MILR1: variants seen among roughly 807,000 people sequenced by gnomAD.
The protein encoded by MILR1 is allergin-1.
Under a neutral mutation model 18.5 loss-of-function variants are expected in MILR1, and 31 were observed. The ratio of observed to expected loss-of-function variants is 1.68; its 90% CI spans 1.26 to 2.26. The LOEUF is 2.26. MILR1 is among the 30% of genes most tolerant of loss of function. The pLI is 0.00. For missense variants in MILR1, 257 were observed against 157.4 expected (o/e 1.63, Z -3.38); for synonymous variants, 85 against 56.2 (o/e 1.51, Z -2.30).
the MILR1 span, among the ~76,000 whole-genome samples, chr17:64,476,298 ATTTT>A: frequency 9.2e-5 from 14 of 152,090 alleles, no homozygotes; most frequent in African/African-American, 3.4e-4. Context: ...ATGTAGTGTT[ATTTT>A]TTTAATGTGA....
rs1186950892 is a variant in MILR1, at chr17:64,450,141, C to T, written c.97+786C>T. On this transcript the variant is annotated intron_variant, in intron 2 of 9. Transcript: ENST00000619286. ...TTTTTGTAGAGACGGGGTTTCACAT[C>T]GTTAGCCAGGATGGTCTCGATCTCC... is the stretch of plus-strand genomic sequence containing the variant. Among the ~76,000 whole-genome samples the T allele has an allele frequency of 3.9e-5, 6 of 151,978 alleles. No individual in the cohort carries two copies. The East Asian group carries it at 5.8e-4, about 15-fold the overall frequency.
the MILR1 span, among the ~76,000 whole-genome samples, chr17:64,476,213 A>AT: frequency 6.6e-6 from 1 of 152,116 alleles, no homozygotes; most frequent in Non-Finnish European, 1.5e-5. Context: ...TCAGACAAGG[A>AT]TTTTTTTAAA....
chr17:64,459,809 T>C (rs981280736), intron 4 of MILR1, among the ~76,000 whole-genome samples: 4 of 152,138 alleles, frequency 2.6e-5, no homozygotes, highest in African/African-American at 9.7e-5. Context: ...ACACGAAACA[T>C]GCTGCCAGGG....
At chr17:64,490,738 G>A in the MILR1 span, 11 of 1,380,000 alleles carry the variant, frequency 8.0e-6, no homozygotes, top group East Asian at 2.3e-5. Context: ...CAAATGGTTC[G>A]GAAATGATTA....
the MILR1 span, chr17:64,496,650 G>A: frequency 2.3e-5 from 37 of 1,613,780 alleles, no homozygotes; most frequent in Non-Finnish European, 1.7e-6. Context: ...AGGTTCTTCC[G>A]CAACTCTACG....
intron 2 of MILR1, among the ~76,000 whole-genome samples, chr17:64,450,826 C>T (rs941486841): frequency 6.6e-6 from 1 of 152,098 alleles, no homozygotes; most frequent in Non-Finnish European, 1.5e-5. Context: ...AAGACTCAGC[C>T]ATGATTCGTT....
chr17:64,491,620 G>A, the MILR1 span: 8 of 1,523,426 alleles, frequency 5.3e-6, no homozygotes, highest in Admixed American at 6.7e-5. Context: ...AGCCCTAGTG[G>A]CCTTGATGGA....
At chr17:64,491,622 C>T in the MILR1 span, 1 of 1,517,654 alleles carries the variant, frequency 6.6e-7, no homozygotes, top group Non-Finnish European at 9.1e-7. Context: ...CCCTAGTGGC[C>T]TTGATGGAGC....
At chr17:64,474,676 AT>A in the MILR1 span, among the ~76,000 whole-genome samples, 4 of 150,638 alleles carry the variant, frequency 2.7e-5, no homozygotes, top group African/African-American at 4.9e-5. Context: ...CATCTGGCCA[AT>A]TTTTTTTTCA....
the MILR1 span, chr17:64,490,779 C>A: frequency 6.3e-7 from 1 of 1,597,274 alleles, no homozygotes; most frequent in East Asian, 2.2e-5. Flanking sequence ...TACATAGGAG[C>A]TCCAGGTAAA....
the MILR1 span, among the ~76,000 whole-genome samples, chr17:64,493,183 C>T: frequency 1.2e-4 from 19 of 152,188 alleles, no homozygotes; most frequent in East Asian, 5.8e-4. Context: ...TTTGGGAGGT[C>T]GAGGTGGGCA....
chr17:64,450,217 C>T (rs2037138028), intron 2 of MILR1, among the ~76,000 whole-genome samples: 3 of 152,062 alleles, frequency 2.0e-5, no homozygotes, highest in Admixed American at 1.3e-4. Context: ...GGATTACAGG[C>T]GTGAGACACT....
the MILR1 span, chr17:64,496,829 T>A: frequency 6.2e-7 from 1 of 1,613,862 alleles, no homozygotes; most frequent in African/African-American, 1.3e-5. Context: ...GAGCTCCGCG[T>A]GCGACTTCAC....
chr17:64,481,921 A>G, the MILR1 span, among the ~76,000 whole-genome samples: 2 of 151,320 alleles, frequency 1.3e-5, no homozygotes, highest in African/African-American at 2.5e-5. Flanking sequence ...GAAAGAAATA[A>G]TTCACATTCA....
At chr17:64,468,287 G>C in intron 9 of MILR1, 23 bp from the exon 10 acceptor site, 1 of 455,170 alleles carries the variant, frequency 2.2e-6, no homozygotes, top group Non-Finnish European at 4.4e-6. Flanking sequence ...ATTCTCTCTT[G>C]TCTCTCTCTT....
At chr17:64,492,630 G>A in the MILR1 span, 1 of 1,177,190 alleles carries the variant, frequency 8.5e-7, no homozygotes, top group Non-Finnish European at 1.3e-6. Context: ...GACAATTTAT[G>A]TATTAACTAT....
At chr17:64,468,035 T>C (rs1555663824) in intron 9 of MILR1, 2 of 339,246 alleles carry the variant, frequency 5.9e-6, no homozygotes, top group Non-Finnish European at 1.1e-5. Flanking sequence ...TGCCTTGATG[T>C]GCTGCCAGGG....
the MILR1 span, among the ~76,000 whole-genome samples, chr17:64,493,929 A>G: frequency 6.6e-6 from 1 of 152,178 alleles, no homozygotes; most frequent in Non-Finnish European, 1.5e-5. Context: ...TGCCGCATAC[A>G]TCTTCTAAAA....
At chr17:64,492,890 T>A in the MILR1 span, 1 of 1,614,134 alleles carries the variant, frequency 6.2e-7, no homozygotes, top group Non-Finnish European at 8.5e-7. Context: ...TGCCACTTTT[T>A]ATACCTTTTA....
Sources: gnomAD v4.1 joint callset for allele counts (sites outside exome capture counted in the v4.1 genomes callset) on GRCh38, gnomAD v4.1.1 for gene constraint, MANE v1.5 for transcripts, NCBI Gene and HGNC (gene_info 2026-07-23, HGNC 2026-07-21) for gene names.